MED24: variants seen among roughly 807,000 people sequenced by gnomAD.
MED24 encodes mediator complex subunit 24, also known as mediator of RNA polymerase II transcription subunit 24.
Under a neutral mutation model 118.8 loss-of-function variants are expected in MED24, and 74 were observed. That is an observed-to-expected ratio of 0.62 (90% CI 0.52 to 0.76). The LOEUF is 0.76. MED24 is among the 30% of genes least tolerant of loss of function. The pLI, the probability that MED24 is intolerant of heterozygous loss-of-function variation, is 0.00. For missense variants in MED24, 1,041 were observed against 1,278.9 expected, an observed-to-expected ratio of 0.81 and a Z score of 2.84; for synonymous variants, 521 against 523.9, an observed-to-expected ratio of 0.99 and a Z score of 0.08.
chr17:40,027,623 A>C, intron 15 of MED24, 158 bp from the exon 16 acceptor site: 2 of 727,584 alleles, frequency 2.7e-6, no homozygotes, highest in South Asian at 3.7e-5. Context: ...CTCAACTGGA[A>C]CATCATCCCT....
rs1262594095 is a variant in MED24 at position 40,033,465 on chromosome 17, G to A, written c.560-9C>T. ...GATGGCAGTCCAAGAAGCTGGCAGA[G>A]GGAAGGAAGTACAGAAACATGATGG... is the stretch of plus-strand genomic sequence containing the variant. On this transcript the variant is annotated splice_polypyrimidine_tract_variant and intron_variant, in intron 6 of 25. Coordinates refer to ENST00000394128, the MANE Select transcript of MED24 (RefSeq NM_014815.4). This position sits in a 1 kb window ranked among gnomAD's most constrained non-coding sequence, Gnocchi z 5.2. 6.4e-7 allele frequency: 1 copy of A among 1,567,870 alleles called. No homozygotes were observed. Among genetic ancestry groups the A allele is most frequent in the South Asian group, 1.2e-5 (1 of 86,020 alleles).
At position 40,019,946 on chromosome 17, in the gene MED24, G is replaced by C. The variant is rs1049571846; in HGVS notation, c.2705-13C>G. 1 of 1,558,876 alleles carries C rather than the reference G, an allele frequency of 6.4e-7. No individual in the cohort carries two copies. Among genetic ancestry groups the C allele is most frequent in the East Asian group, 2.4e-5 (1 of 41,878 alleles). Reference sequence around the variant, plus strand: ...AGGAACAGGTTGGCTGTAGAGAGTGGGGGGAGAGTGACAGGAGGGAGTTCC... The same window carrying C: ...AGGAACAGGTTGGCTGTAGAGAGTGCGGGGAGAGTGACAGGAGGGAGTTCC... On this transcript the variant is annotated splice_polypyrimidine_tract_variant and intron_variant, in intron 24 of 25. Transcript: ENST00000394128.
At position 40,023,191 on chromosome 17, in the gene MED24, G is replaced by A. The variant is rs1252343821; in HGVS notation, c.2190C>T (p.His730=). The A allele has an allele frequency of 1.2e-6, 2 of 1,614,062 alleles. No homozygotes were observed. The highest frequency in any genetic ancestry group is 1.7e-6 in the Non-Finnish European group (2 of 1,180,028). ...CCATGTGCAGCAGGGTGTCAAAGAT[G>A]TGGATGGAGCGGCTGTCCACCCAGC... ...EKGWVDSRSI[H]IFDTLLHMGG... Residue 730 remains histidine (H), a synonymous_variant, in exon 20 of 26, where the codon CAC becomes CAT. Coordinates refer to ENST00000394128, the MANE Select transcript of MED24 (RefSeq NM_014815.4).
Position 40,022,767 on chromosome 17 carries a change from G to A in MED24, c.2310C>T (p.Ser770=), listed in dbSNP as rs1298986319. 1 of 1,613,796 alleles carries A rather than the reference G, an allele frequency of 6.2e-7. No individual in the cohort carries two copies. Among genetic ancestry groups the A allele is most frequent in the African/African-American group, 1.3e-5 (1 of 74,896 alleles). ...HTLRAVELLY[S]IFCLDMQQVT... is the part of the protein sequence containing the mutation. ...CTTGCTGCATGTCCAGGCAGAAGAT[G>A]GAGTAGAGCAGCTCCACTGCCCGCA... Residue 770 remains serine, a synonymous_variant, in exon 21 of 26, where the codon TCC becomes TCT. Transcript: ENST00000394128.
At chr17:40,021,722 G>A (rs1426972889) in intron 23 of MED24, among the ~76,000 whole-genome samples, 1 of 152,190 alleles carries the variant, frequency 6.6e-6, no homozygotes, top group Admixed American at 6.5e-5. Context: ...GAACAACTGT[G>A]GGCTGGGCTG....
chr17:40,041,023 C>T (rs943432199), intron 3 of MED24, among the ~76,000 whole-genome samples: 5 of 152,124 alleles, frequency 3.3e-5, no homozygotes, highest in African/African-American at 1.2e-4. Context: ...GCTGGGATTA[C>T]AGGTGTGAGC....
intron 13 of MED24, among the ~76,000 whole-genome samples, chr17:40,029,379 G>C (rs1257294380): frequency 1.3e-5 from 2 of 152,168 alleles, no homozygotes; most frequent in Non-Finnish European, 2.9e-5. Context: ...TGTGTTTTTA[G>C]TAGAGACTGG....
chr17:40,027,333 G>A (rs766509476), intron 16 of MED24, 50 bp downstream of exon 16: 33 of 1,565,302 alleles, frequency 2.1e-5, no homozygotes, highest in African/African-American at 2.7e-5. Flanking sequence ...GGAGAGTTCC[G>A]GGTTACCTCC....
Position 40,035,135 on chromosome 17 carries a change from C to T in MED24, c.541G>A (p.Ala181Thr), listed in dbSNP as rs777147037. ...GACATACAGGCCTCCTCTAGTTTGGCGATGTGCAGCAGGGCCCGGTTCTTG... is the reference window on the plus strand; with the variant it reads ...GACATACAGGCCTCCTCTAGTTTGGTGATGTGCAGCAGGGCCCGGTTCTTG... Reference protein sequence around the residue: ...STKNRALLHIAKLEEASSWTA... With the variant: ...STKNRALLHITKLEEASSWTA... Residue 181 changes from alanine (A) to threonine (T), a missense_variant, in exon 6 of 26, where the codon GCC becomes ACC. By Grantham distance (58) the Ala-to-Thr change is moderately conservative. Coordinates refer to ENST00000394128, the MANE Select transcript of MED24 (RefSeq NM_014815.4). The T allele has an allele frequency of 1.9e-5, 30 of 1,613,992 alleles. No individual in the cohort carries two copies. Among genetic ancestry groups the T allele is most frequent in the East Asian group, 8.9e-5 (4 of 44,896 alleles).
At position 40,027,383 on chromosome 17, in the gene MED24, C is replaced by A. The variant is rs756798264; in HGVS notation, c.1530G>T (p.Glu510Asp). ...LCHVAQTYGS[E>D]VILSESRTGA... is the part of the protein sequence containing the mutation. ...CGTCCCGGTCGCTCCCCTCTCTCAC[C>A]TCTGAACCATAGGTCTGGGCCACAT... Residue 510 changes from glutamate (E) to aspartate (D), a missense_variant and splice_region_variant, in exon 16 of 26, where the codon GAG becomes GAT. By Grantham distance (45) the Glu-to-Asp change is conservative (BLOSUM62 2). This residue lies in a region of MED24 where 587 missense variants were observed against 694.4 expected (regional missense o/e 0.85). Transcript: ENST00000394128. 1 of 1,613,248 alleles carries A rather than the reference C, an allele frequency of 6.2e-7. No individual in the cohort carries two copies. Among genetic ancestry groups the A allele is most frequent in the East Asian group, 2.2e-5 (1 of 44,838 alleles).
intron 23 of MED24, chr17:40,021,151 G>A (rs994463960): frequency 1.3e-5 from 2 of 152,730 alleles, no homozygotes; most frequent in Non-Finnish European, 2.9e-5. Context: ...AGATCCCAAT[G>A]GAATGAGAGA....
At chr17:40,049,089 C>T (rs1985544609) in intron 3 of MED24, among the ~76,000 whole-genome samples, 1 of 151,940 alleles carries the variant, frequency 6.6e-6, no homozygotes, top group Non-Finnish European at 1.5e-5. Flanking sequence ...TACTCATAAT[C>T]CCAGCCTTTA....
chr17:40,026,601 G>T (rs776882718), intron 18 of MED24, 46 bp downstream of exon 18: 29 of 1,521,830 alleles, frequency 1.9e-5, no homozygotes, highest in Non-Finnish European at 2.5e-5. Flanking sequence ...TCACTGGCTG[G>T]CTCTGTGTCT....
intron 5 of MED24, 149 bp from the exon 6 acceptor site, chr17:40,035,498 G>T: frequency 1.0e-6 from 1 of 969,862 alleles, no homozygotes; most frequent in Non-Finnish European, 1.5e-6. Context: ...TAGCCCCTTT[G>T]GCTCCTACTG....
intron 23 of MED24, among the ~76,000 whole-genome samples, chr17:40,020,904 C>T (rs1193131147): frequency 6.6e-6 from 1 of 152,080 alleles, no homozygotes; most frequent in African/African-American, 2.4e-5. Flanking sequence ...GAAACCCCGT[C>T]TCTACTAAAA....
intron 3 of MED24, among the ~76,000 whole-genome samples, chr17:40,040,685 C>G (rs1441383175): frequency 2.0e-5 from 3 of 150,670 alleles, no homozygotes; most frequent in Admixed American, 2.0e-4. Context: ...GTAGCGCGAT[C>G]TCGGCTCACT....
intron 19 of MED24, chr17:40,023,753 T>G: frequency 9.5e-6 from 2 of 210,702 alleles, no homozygotes; most frequent in East Asian, 1.3e-4. Flanking sequence ...CACTTCCCCC[T>G]AGGCTGAGTG....
At position 40,019,254 on chromosome 17, in the gene MED24, C is replaced by T; in HGVS notation, c.*275G>A. The T allele has an allele frequency of 2.1e-6, 1 of 479,592 alleles. No individual in the cohort carries two copies. The highest frequency in any genetic ancestry group is 3.7e-6 in the Non-Finnish European group (1 of 268,816). 29.7% of individuals were successfully genotyped at this position (479,592 alleles called of 1,614,324 possible). On this transcript the variant is annotated 3_prime_UTR_variant, in exon 26 of 26. Transcript: ENST00000394128. Reference sequence around the variant, plus strand: ...CCTCAGAGGTAAGACTACTCCTGGGCTGGGGCGGGCGCACACAGGGGTGAC... The same window carrying T: ...CCTCAGAGGTAAGACTACTCCTGGGTTGGGGCGGGCGCACACAGGGGTGAC...
At chr17:40,053,158 C>G (rs1284922443) in intron 3 of MED24, 140 bp downstream of exon 3, 2 of 798,342 alleles carry the variant, frequency 2.5e-6, no homozygotes, top group African/African-American at 3.5e-5. Flanking sequence ...TGGTCTTGAA[C>G]TCCTGGGCTC....
Sources: allele counts gnomAD v4.1 joint callset (sites outside exome capture counted in the v4.1 genomes callset), GRCh38; gene constraint gnomAD v4.1.1; regional missense constraint gnomAD v4.1.1; non-coding constraint Gnocchi (gnomAD v3.1); transcripts MANE v1.5; gene names NCBI Gene and HGNC (gene_info 2026-07-23, HGNC 2026-07-21).